The following ZFYVE26 variants were observed in gnomAD, a reference collection of about 807,000 sequenced individuals.
The protein encoded by ZFYVE26 is zinc finger FYVE domain-containing protein 26.
ZFYVE26 carries 181 observed loss-of-function variants against 276.5 expected under a neutral mutation model. The observed-to-expected ratio is 0.65, with a 90% CI of 0.58 to 0.74. ZFYVE26 has a LOEUF of 0.74. ZFYVE26 is among the 30% of genes least tolerant of loss of function. ZFYVE26 has a pLI of 0.00. For missense variants in ZFYVE26, 2,821 were observed against 3,097.9 expected (o/e 0.91, Z 2.12); for synonymous variants, 1,129 against 1,203.1 (o/e 0.94, Z 1.27).
intron 40 of ZFYVE26, among the ~76,000 whole-genome samples, chr14:67,752,086 C>A (rs1051900021): frequency 6.6e-6 from 1 of 152,224 alleles, no homozygotes; most frequent in Admixed American, 6.5e-5. Flanking sequence ...AGAAGCTCAA[C>A]TCCATAGACA....
intron 40 of ZFYVE26, 189 bp from the exon 41 acceptor site, chr14:67,751,285 G>C: frequency 1.5e-6 from 1 of 674,876 alleles, no homozygotes; most frequent in Non-Finnish European, 2.7e-6. Flanking sequence ...TCACAGGCAT[G>C]ATCCCACTAT....
At chr14:67,742,667 G>A (rs888678824), downstream of ZFYVE26, among the ~76,000 whole-genome samples, 3 of 152,046 alleles carry the variant, frequency 2.0e-5, no homozygotes, top group South Asian at 2.1e-4. Context: ...TCTTCTGGCT[G>A]GGAAGGTAGG....
In ZFYVE26 at chr14:67,816,059, C is replaced by CA. The variant is rs1484847477; in HGVS notation, c.-83-14dup. ...CGCGGAGTACCTCCTAGAAACAACA[C>CA]AACGCCAGTGAGAAGAAACAGAAGG... On this transcript the variant is annotated splice_polypyrimidine_tract_variant and intron_variant, in intron 1 of 41. Transcript: ENST00000347230. The CA allele has an allele frequency of 9.9e-7, 1 of 1,012,986 alleles. No individual in the cohort carries two copies. The highest frequency in any genetic ancestry group is 1.4e-6 in the Non-Finnish European group (1 of 693,888). The allele number at this position is 1,012,986 out of a possible 1,614,324, so 62.7% of individuals were successfully genotyped here.
At chr14:67,739,932 A>G (rs2038395918) in intron 13 of ZFYVE26, among the ~76,000 whole-genome samples, 1 of 152,248 alleles carries the variant, frequency 6.6e-6, no homozygotes, top group African/African-American at 2.4e-5. Context: ...TAGTGGTACA[A>G]TATAATAAAA....
intron 9 of ZFYVE26, 71 bp downstream of exon 9, chr14:67,804,030 C>T (rs2040128419): frequency 1.3e-6 from 2 of 1,594,994 alleles, no homozygotes; most frequent in Admixed American, 3.3e-5. Context: ...CTGGATAAAT[C>T]TCATGCTGGA....
chr14:67,733,761 C>G lies in ZFYVE26; in HGVS notation n.2680-3942G>C, dbSNP rs2038315948. On this transcript the variant is annotated intron_variant and non_coding_transcript_variant, in intron 13 of 14. Transcript: ENST00000394455. ...TGCCCTCCAGTGACTGCAAGAGGAC[C>G]TGGGTGTCTCCAAGGGCCCGAAATA... 2 of 1,613,016 alleles carry G rather than the reference C, an allele frequency of 1.2e-6. No homozygotes were observed. Among genetic ancestry groups the G allele is most frequent in the Admixed American group, 3.3e-5 (2 of 59,990 alleles).
At chr14:67,732,330 C>T (rs112064811) in intron 13 of ZFYVE26, among the ~76,000 whole-genome samples, 13 of 148,470 alleles carry the variant, frequency 8.8e-5, no homozygotes, top group African/African-American at 3.0e-4. Context: ...CCCAGCTACT[C>T]GGGAGGCTAA....
In ZFYVE26 at chr14:67,794,242, A is replaced by G. The variant is rs1241288432; in HGVS notation, c.2333-3T>C. ...GTTTGAACCTCTGTCTCGGCCATCTACAGGTATTGGGAAGAAGAGAGAAAG... is the reference window on the plus strand; with the variant it reads ...GTTTGAACCTCTGTCTCGGCCATCTGCAGGTATTGGGAAGAAGAGAGAAAG... On this transcript the variant is annotated splice_region_variant and splice_polypyrimidine_tract_variant and intron_variant, in intron 12 of 41. Coordinates refer to ENST00000347230, the MANE Select transcript of ZFYVE26 (RefSeq NM_015346.4). 5 of 1,613,926 alleles carry G rather than the reference A, an allele frequency of 3.1e-6. No individual in the cohort carries two copies. Among genetic ancestry groups the G allele is most frequent in the Non-Finnish European group, 4.2e-6 (5 of 1,179,886 alleles).
chr14:67,784,270 C>A, intron 20 of ZFYVE26, 64 bp downstream of exon 20: 1 of 1,380,534 alleles, frequency 7.2e-7, no homozygotes, highest in South Asian at 1.2e-5. Context: ...CGCACTGAGC[C>A]CTTGGCTATA....
chr14:67,754,311 A>G, intron 37 of ZFYVE26, 99 bp from the exon 38 acceptor site: 10 of 1,508,000 alleles, frequency 6.6e-6, no homozygotes, highest in East Asian at 4.5e-5. Flanking sequence ...TGAAAAAGGG[A>G]AAACAAATGA....
chr14:67,798,749 A>T, intron 10 of ZFYVE26, 127 bp from the exon 11 acceptor site: 1 of 1,226,858 alleles, frequency 8.2e-7, no homozygotes, highest in Non-Finnish European at 1.2e-6. Context: ...TTTTAATTAT[A>T]AGGGAACTGA....
intron 41 of ZFYVE26, 97 bp downstream of exon 41, chr14:67,750,955 T>C: frequency 6.9e-7 from 1 of 1,440,574 alleles, no homozygotes; most frequent in Admixed American, 1.7e-5. Context: ...ATACGGGTTG[T>C]ATGGAACTAT....
chr14:67,730,490 T>G (rs1195765219), intron 13 of ZFYVE26, among the ~76,000 whole-genome samples: 1 of 152,266 alleles, frequency 6.6e-6, no homozygotes, highest in Non-Finnish European at 1.5e-5. Context: ...AAAAATGTTT[T>G]GGATTTCAGA....
chr14:67,815,600 T>C (rs2040385451), intron 2 of ZFYVE26, 170 bp downstream of exon 2: 1 of 692,988 alleles, frequency 1.4e-6, no homozygotes, highest in Non-Finnish European at 2.6e-6. Context: ...CAATATTGAC[T>C]AAGTAATGGA....
intron 28 of ZFYVE26, among the ~76,000 whole-genome samples, chr14:67,771,245 G>A (rs977805966): frequency 6.6e-6 from 1 of 152,148 alleles, no homozygotes; most frequent in African/African-American, 2.4e-5. Flanking sequence ...TTCCATTCCT[G>A]TGTTAGTTTG....
Position 67,762,338 on chromosome 14 carries a change from G to T in ZFYVE26, c.6234C>A (p.Asn2078Lys). 6.2e-7 allele frequency: 1 copy of T among 1,614,196 alleles called. No individual in the cohort carries two copies. The highest frequency in any genetic ancestry group is 1.1e-5 in the South Asian group (1 of 91,082). Residue 2078 changes from asparagine (N) to lysine (K), a missense_variant, in exon 34 of 42, where the codon AAC (asparagine) becomes AAA (lysine). Coordinates refer to ENST00000347230, the MANE Select transcript of ZFYVE26 (RefSeq NM_015346.4). ...AWGMACLKAG[N>K]LTAAREKFSR... is the part of the protein sequence containing the mutation. ...TGAACTTCTCCCGTGCAGCAGTGAG[G>T]TTCCCGGCTTTGAGGCAGGCCATGC... is the stretch of plus-strand genomic sequence containing the variant.
rs201010656 is a variant in ZFYVE26 at position 67,777,577 on chromosome 14, C to T, written c.4956G>A (p.Ala1652=). 8.1e-6 allele frequency: 13 copies of T among 1,613,982 alleles called. No homozygotes were observed. Among genetic ancestry groups the T allele is most frequent in the East Asian group, 4.5e-5 (2 of 44,872 alleles). ...LTAVRHREIQ[A]LYVGSKILLT... Reference sequence around the variant, plus strand: ...TCCTTACCTTGGATCCCACATACAGCGCCTGGATTTCACGGTGTCGGACAG... The same window carrying T: ...TCCTTACCTTGGATCCCACATACAGTGCCTGGATTTCACGGTGTCGGACAG... The change falls in exon 25 of 42, where the codon GCG becomes GCA. Residue 1652 remains alanine, a synonymous_variant. Coordinates refer to ENST00000347230, the MANE Select transcript of ZFYVE26 (RefSeq NM_015346.4).
At chr14:67,816,074 G>T in intron 1 of ZFYVE26, 28 bp from the exon 2 acceptor site, 1 of 855,246 alleles carries the variant, frequency 1.2e-6, no homozygotes. Flanking sequence ...CCAGTGAGAA[G>T]AAACAGAAGG....
chr14:67,794,257 AAGAG>A lies in ZFYVE26; in HGVS notation c.2333-22_2333-19del, dbSNP rs2039896976. 1 of 1,612,556 alleles carries A rather than the reference AAGAG, an allele frequency of 6.2e-7. No individual in the cohort carries two copies. The highest frequency in any genetic ancestry group is 2.2e-5 in the East Asian group (1 of 44,884). On this transcript the variant is annotated intron_variant, in intron 12 of 41. Transcript: ENST00000347230. ...TCGGCCATCTACAGGTATTGGGAAG[AAGAG>A]AGAAAGTCAATTATCAGCTCCTTAT... is the stretch of plus-strand genomic sequence containing the variant.
Sources: allele counts gnomAD v4.1 joint callset (sites outside exome capture counted in the v4.1 genomes callset), GRCh38; gene constraint gnomAD v4.1.1; transcripts MANE v1.5; gene names NCBI Gene and HGNC (gene_info 2026-07-23, HGNC 2026-07-21).